The following CTPS2 variants were observed in gnomAD, a reference collection of about 807,000 sequenced individuals.
The protein encoded by CTPS2 is CTP synthase II.
Under a neutral mutation model 46.8 loss-of-function variants are expected in CTPS2, and 19 were observed. The observed-to-expected ratio is 0.41, with a 90% CI of 0.28 to 0.60. CTPS2 has a LOEUF of 0.60. Among genes scored for constraint, CTPS2 ranks in the 20% least tolerant of loss-of-function variants. The pLI is 0.35. For missense variants in CTPS2, 286 were observed against 447.6 expected (o/e 0.64, Z 3.26); for synonymous variants, 151 against 165.2 (o/e 0.91, Z 0.66).
intron 10 of CTPS2, among the ~76,000 whole-genome samples, chrX:16,672,956 G>A (rs946652094): frequency 3.3e-5 from 3 of 92,046 alleles, no homozygotes; most frequent in African/African-American, 4.4e-5. Flanking sequence ...GCGGGATCTC[G>A]GCTCACTGCA....
At chrX:16,610,130 A>G (rs1468283026) in intron 16 of CTPS2, among the ~76,000 whole-genome samples, 1 of 111,118 alleles carries the variant, frequency 9.0e-6, no homozygotes, top group Non-Finnish European at 1.9e-5. Flanking sequence ...ATATCAACCC[A>G]TTGGGCTACC....
chrX:16,603,797 A>G (rs1280393392), intron 17 of CTPS2, among the ~76,000 whole-genome samples: 1 of 111,079 alleles, frequency 9.0e-6, no homozygotes, highest in Non-Finnish European at 1.9e-5. Flanking sequence ...ATCCCAGGCT[A>G]GAAGTCAGCA....
At chrX:16,649,743 G>A (rs774198370) in intron 13 of CTPS2, among the ~76,000 whole-genome samples, 1 of 111,951 alleles carries the variant, frequency 8.9e-6, no homozygotes, top group Non-Finnish European at 1.9e-5. Context: ...CTCCTGCCTC[G>A]GCCTCCCAAA....
At chrX:16,691,359 G>T (rs1379712881) in intron 7 of CTPS2, among the ~76,000 whole-genome samples, 181 bp downstream of exon 7, 3 of 111,764 alleles carry the variant, frequency 2.7e-5, no homozygotes, top group African/African-American at 9.8e-5. Context: ...CATAAGTTGA[G>T]TGATCATGCA....
At chrX:16,620,427 T>TAA in intron 14 of CTPS2, 95 bp from the exon 15 acceptor site, 1 of 602,169 alleles carries the variant, frequency 1.7e-6, no homozygotes, top group South Asian at 3.1e-5. Context: ...GATCACTATC[T>TAA]ATCTATCAGA....
chrX:16,632,984 G>A (rs1402536784), intron 14 of CTPS2, among the ~76,000 whole-genome samples: 1 of 111,554 alleles, frequency 9.0e-6, no homozygotes, highest in Non-Finnish European at 1.9e-5. Flanking sequence ...AGAGAAGTGG[G>A]GAGATGATGT....
rs138547403 is a variant in CTPS2 at position 16,626,046 on chromosome X, G to A, written c.1394-5714C>T. On this transcript the variant is annotated intron_variant, in intron 14 of 18. Transcript: ENST00000359276. ...CGCCCTCTTCTGCCCAGTATTTCCC[G>A]GTCTCCTGTCCATATCATCTAGAGT... Among the ~76,000 whole-genome samples, 845 of 111,154 alleles carry A rather than the reference G, an allele frequency of 7.6e-3. 2 individuals carry two copies. The highest frequency in any genetic ancestry group is 0.032 in the Middle Eastern group (7 of 217).
chrX:16,596,643 G>A (rs1169557654), intron 17 of CTPS2, among the ~76,000 whole-genome samples: 3 of 110,054 alleles, frequency 2.7e-5, no homozygotes, highest in Admixed American at 9.7e-5. Flanking sequence ...GAATAGTGCC[G>A]CAATAAACAT....
intron 16 of CTPS2, among the ~76,000 whole-genome samples, chrX:16,611,543 C>G (rs1930263793): frequency 1.8e-5 from 2 of 108,522 alleles, no homozygotes; most frequent in South Asian, 7.9e-4. Flanking sequence ...AAAAAAAGCT[C>G]TGCTATAGAA....
At chrX:16,597,325 A>G (rs1929345908) in intron 17 of CTPS2, among the ~76,000 whole-genome samples, 1 of 111,811 alleles carries the variant, frequency 8.9e-6, no homozygotes, top group Non-Finnish European at 1.9e-5. Flanking sequence ...TTATGGTTTT[A>G]GGTCTAACGT....
At chrX:16,654,376 C>A in intron 13 of CTPS2, 1 of 1,008,100 alleles carries the variant, frequency 9.9e-7, no homozygotes, top group Non-Finnish European at 1.4e-6. Flanking sequence ...TCTCCCCTCC[C>A]TTCTCCCATC....
In CTPS2 at chrX:16,635,509, C is replaced by T. The variant is rs184237691; in HGVS notation, c.1393+3638G>A. Reference sequence around the variant, plus strand: ...CCAACATGGAGAAACCCCGTCTCTACTAAAAATACACAAAATTAGGAGGGC... The same window carrying T: ...CCAACATGGAGAAACCCCGTCTCTATTAAAAATACACAAAATTAGGAGGGC... On this transcript the variant is annotated intron_variant, in intron 14 of 18. Transcript: ENST00000359276. 4.5e-3 allele frequency among the ~76,000 whole-genome samples: 499 copies of T among 110,659 alleles called. 6 individuals carry two copies. Among genetic ancestry groups the T allele is most frequent in the African/African-American group, 0.016 (475 of 30,375 alleles).
intron 17 of CTPS2, among the ~76,000 whole-genome samples, chrX:16,607,243 G>A (rs1930026055): frequency 8.8e-6 from 1 of 113,075 alleles, no homozygotes; most frequent in South Asian, 3.6e-4. Context: ...TTCAGTGTGA[G>A]AATCTAAAAT....
At chrX:16,594,303 C>T (rs1238535662) in intron 17 of CTPS2, among the ~76,000 whole-genome samples, 8 of 110,973 alleles carry the variant, frequency 7.2e-5, no homozygotes, top group Non-Finnish European at 1.5e-4. Flanking sequence ...ACAGTGGGCT[C>T]ATATCTTCCC....
intron 13 of CTPS2, among the ~76,000 whole-genome samples, chrX:16,643,818 G>A (rs779955004): frequency 9.1e-6 from 1 of 110,166 alleles, no homozygotes; most frequent in Non-Finnish European, 1.9e-5. Flanking sequence ...TGGGGCCATT[G>A]TCAATGGCAC....
chrX:16,645,069 G>A (rs1026240297), intron 13 of CTPS2, among the ~76,000 whole-genome samples: 5 of 111,382 alleles, frequency 4.5e-5, no homozygotes, highest in African/African-American at 9.8e-5. Context: ...TGCAAGCTCC[G>A]CCTCCCGGGT....
At chrX:16,603,014 C>T (rs1244463818) in intron 17 of CTPS2, among the ~76,000 whole-genome samples, 1 of 111,834 alleles carries the variant, frequency 8.9e-6, no homozygotes, top group Non-Finnish European at 1.9e-5. Flanking sequence ...CTGTTCCTTG[C>T]TTTAAATACA....
intron 11 of CTPS2, among the ~76,000 whole-genome samples, chrX:16,670,287 A>G (rs1642808397): frequency 1.8e-5 from 2 of 112,229 alleles, no homozygotes; most frequent in Admixed American, 1.9e-4. Context: ...CCTCTTTCAG[A>G]TAGTAAAGCT....
chrX:16,633,059 GTTCTTT>G (rs939208690), intron 14 of CTPS2, among the ~76,000 whole-genome samples: 1 of 101,953 alleles, frequency 9.8e-6, no homozygotes, highest in Non-Finnish European at 2.0e-5. Context: ...TCAACATGCA[GTTCTTT>G]TTCTTTTTCT....
Sources: gnomAD v4.1 joint callset for allele counts (sites outside exome capture counted in the v4.1 genomes callset) on GRCh38, gnomAD v4.1.1 for gene constraint, MANE v1.5 for transcripts, NCBI Gene and HGNC (gene_info 2026-07-23, HGNC 2026-07-21) for gene names.